PHTF2: variants seen among roughly 807,000 people sequenced by gnomAD.
PHTF2 encodes the protein protein PHTF2.
In PHTF2, 60 loss-of-function variants were observed where a neutral mutation model predicts 101.2. The ratio of observed to expected loss-of-function variants is 0.59; its 90% CI spans 0.48 to 0.73. The LOEUF (loss-of-function observed/expected upper bound fraction) is 0.73. PHTF2 is among the 30% of genes least tolerant of loss of function. PHTF2 has a pLI of 0.00. For missense variants in PHTF2, 747 were observed against 908.7 expected, an observed-to-expected ratio of 0.82 and a Z score of 2.29; for synonymous variants, 311 against 307.3, an observed-to-expected ratio of 1.01 and a Z score of -0.13.
intron 12 of PHTF2, among the ~76,000 whole-genome samples, chr7:77,934,968 A>G (rs1326450322): frequency 6.6e-6 from 1 of 152,028 alleles, no homozygotes; most frequent in Non-Finnish European, 1.5e-5. Flanking sequence ...AAAAAGAAAA[A>G]AGAAAATGTA....
chr7:77,816,680 CTG>C (rs1375987461), intron 1 of PHTF2, among the ~76,000 whole-genome samples: 1 of 152,168 alleles, frequency 6.6e-6, no homozygotes, highest in East Asian at 1.9e-4. Flanking sequence ...TCCTATCTAA[CTG>C]TGATTTTGTA....
intron 1 of PHTF2, among the ~76,000 whole-genome samples, chr7:77,814,341 C>A (rs1346436114): frequency 6.6e-6 from 1 of 152,102 alleles, no homozygotes; most frequent in African/African-American, 2.4e-5. Context: ...TATTTAAAGA[C>A]ACCTTATTTA....
At chr7:77,920,205 G>T (rs1049399356) in intron 9 of PHTF2, 74 bp from the exon 9 acceptor site, 14 of 731,260 alleles carry the variant, frequency 1.9e-5, no homozygotes, top group Admixed American at 9.7e-5. Context: ...ATTATTAACA[G>T]ATTATAATTT....
At chr7:77,904,570 G>T (rs1801682178) in intron 7 of PHTF2, among the ~76,000 whole-genome samples, 1 of 152,170 alleles carries the variant, frequency 6.6e-6, no homozygotes, top group African/African-American at 2.4e-5. Flanking sequence ...GTCTGATGAG[G>T]CTTCTCTGAC....
chr7:77,899,082 C>T (rs975296676), intron 5 of PHTF2, among the ~76,000 whole-genome samples: 5 of 152,146 alleles, frequency 3.3e-5, no homozygotes, highest in Admixed American at 1.3e-4. Context: ...GGATTAAAGG[C>T]GTGAGCCACT....
intron 3 of PHTF2, among the ~76,000 whole-genome samples, chr7:77,867,179 A>G (rs1270342059): frequency 6.6e-6 from 1 of 152,222 alleles, no homozygotes; most frequent in African/African-American, 2.4e-5. Context: ...CTTTTTAAAT[A>G]AGCCCTGACA....
chr7:77,937,859 CT>C, intron 13 of PHTF2, 21 bp downstream of exon 12: 1 of 1,380,264 alleles, frequency 7.2e-7, no homozygotes, highest in Non-Finnish European at 9.8e-7. Context: ...AAATTTTATT[CT>C]TGTAGTTCAA....
At chr7:77,900,111 C>T (rs1346635307) in intron 5 of PHTF2, among the ~76,000 whole-genome samples, 3 of 152,096 alleles carry the variant, frequency 2.0e-5, no homozygotes, top group Non-Finnish European at 4.4e-5. Context: ...TCCCTCCTCC[C>T]CTTCCTGGTT....
intron 2 of PHTF2, among the ~76,000 whole-genome samples, chr7:77,843,578 A>AG (rs765144991): frequency 1.3e-5 from 2 of 152,212 alleles, no homozygotes; most frequent in African/African-American, 2.4e-5. Context: ...ACTAAAAAAA[A>AG]TTTTTAGAGG....
At chr7:77,843,914 C>T (rs907750544) in intron 2 of PHTF2, among the ~76,000 whole-genome samples, 2 of 152,116 alleles carry the variant, frequency 1.3e-5, no homozygotes, top group Non-Finnish European at 2.9e-5. Flanking sequence ...TCAATAGTAT[C>T]CAGCTTATAC....
At chr7:77,945,577 T>C (rs965899131) in intron 16 of PHTF2, among the ~76,000 whole-genome samples, 4 of 152,166 alleles carry the variant, frequency 2.6e-5, no homozygotes, top group Non-Finnish European at 4.4e-5. Flanking sequence ...AAAAATCTTA[T>C]ATATTTGGAG....
intron 2 of PHTF2, among the ~76,000 whole-genome samples, chr7:77,854,529 C>T (rs891050311): frequency 6.6e-6 from 1 of 152,100 alleles, no homozygotes; most frequent in Non-Finnish European, 1.5e-5. Flanking sequence ...GCGTCCTTCC[C>T]TCCAGAGCAT....
At chr7:77,923,670 G>A in intron 11 of PHTF2, 2 of 985,300 alleles carry the variant, frequency 2.0e-6, no homozygotes, top group Non-Finnish European at 2.4e-6. Context: ...ATTTGATGTA[G>A]TGTTTCTTGT....
intron 1 of PHTF2, among the ~76,000 whole-genome samples, chr7:77,809,557 T>TTG (rs556761010): frequency 4.5e-4 from 68 of 151,484 alleles, no homozygotes; most frequent in Admixed American, 1.3e-3. Flanking sequence ...CAACAAAACT[T>TTG]TGTGTGTGTG....
At chr7:77,846,648 C>T (rs1200809541) in intron 2 of PHTF2, among the ~76,000 whole-genome samples, 1 of 143,462 alleles carries the variant, frequency 7.0e-6, no homozygotes, top group Non-Finnish European at 1.5e-5. Context: ...CCTTCCCTTC[C>T]GTTCCCTTCT....
intron 7 of PHTF2, among the ~76,000 whole-genome samples, chr7:77,904,336 G>C (rs1801658067): frequency 2.0e-5 from 3 of 152,272 alleles, no homozygotes; most frequent in South Asian, 2.1e-4. Flanking sequence ...CTCAAATTTA[G>C]ATTAGACATC....
chr7:77,882,270 C>T (rs1409447137), intron 3 of PHTF2, among the ~76,000 whole-genome samples: 1 of 151,864 alleles, frequency 6.6e-6, no homozygotes, highest in Non-Finnish European at 1.5e-5. Flanking sequence ...AAATGGCTAG[C>T]TAGATATATA....
In PHTF2 at chr7:77,867,336, A is replaced by G. The variant is rs540696374; in HGVS notation, c.147+12502A>G. ...CGTAGGGTCGTTTTTGTGGATGGAT[A>G]TTAATGAAATTACTGGTGGGTAAGA... is the stretch of plus-strand genomic sequence containing the variant. On this transcript the variant is annotated intron_variant, in intron 3 of 19. Coordinates refer to ENST00000416283, the Ensembl canonical transcript of PHTF2. Among the ~76,000 whole-genome samples, 3 of 152,280 alleles carry G rather than the reference A, an allele frequency of 2.0e-5. No individual in the cohort carries two copies. In the East Asian group the frequency reaches 5.8e-4, roughly 29 times the overall value.
intron 3 of PHTF2, among the ~76,000 whole-genome samples, chr7:77,865,891 A>G (rs1315084630): frequency 6.6e-6 from 1 of 151,924 alleles, no homozygotes; most frequent in Non-Finnish European, 1.5e-5. Flanking sequence ...TGATTATTAC[A>G]TTAAGTATTA....
Sources: allele counts gnomAD v4.1 joint callset (sites outside exome capture counted in the v4.1 genomes callset), GRCh38; gene constraint gnomAD v4.1.1; transcripts MANE v1.5; gene names NCBI Gene and HGNC (gene_info 2026-07-23, HGNC 2026-07-21).